The following CDH23 variants were observed in gnomAD, a reference collection of about 807,000 sequenced individuals.
The protein encoded by CDH23 is cadherin related 23.
A neutral mutation model predicts 317.1 loss-of-function variants in CDH23; 189 were observed. That is an observed-to-expected ratio of 0.60 (90% CI 0.53 to 0.67). The LOEUF (loss-of-function observed/expected upper bound fraction) is 0.67. Ranked by LOEUF, CDH23 falls within the 30% of genes least tolerant of loss-of-function variation. The pLI, the probability that CDH23 is intolerant of heterozygous loss-of-function variation, is 0.00. For missense variants in CDH23, 4,401 were observed against 4,592.4 expected, an observed-to-expected ratio of 0.96 and a Z score of 1.20; for synonymous variants, 1,839 against 1,876.8, an observed-to-expected ratio of 0.98 and a Z score of 0.52.
In CDH23 at chr10:71,577,946, C is replaced by T. The variant is rs2132400548; in HGVS notation, c.786C>T (p.Asp262=). Reference sequence around the variant, plus strand: ...CGGTGCGCATCATCACCGCCATAGACCAGGATAAAGGACGTCCCCGGGGCA... The same window carrying T: ...CGGTGCGCATCATCACCGCCATAGATCAGGATAAAGGACGTCCCCGGGGCA... ...GTTVRIITAI[D]QDKGRPRGIG... is the part of the protein sequence containing the mutation. Residue 262 remains aspartate, a synonymous_variant, in exon 9 of 70, where the codon GAC becomes GAT. Transcript: ENST00000224721. 2 of 1,605,876 alleles carry T rather than the reference C, an allele frequency of 1.2e-6. No homozygotes were observed. Among genetic ancestry groups the T allele is most frequent in the South Asian group, 2.2e-5 (2 of 89,010 alleles).
intron 11 of CDH23, among the ~76,000 whole-genome samples, chr10:71,629,458 G>A (rs998277268): frequency 1.3e-5 from 2 of 152,208 alleles, no homozygotes; most frequent in Non-Finnish European, 2.9e-5. Flanking sequence ...GCTGGGAGGG[G>A]AGGTCAGAGA....
intron 51 of CDH23, 57 bp from the exon 52 acceptor site, chr10:71,799,435 G>A: frequency 1.2e-6 from 2 of 1,612,552 alleles, no homozygotes; most frequent in East Asian, 2.2e-5. Context: ...CTAGGGCTGT[G>A]CTCGGGCTCT....
At chr10:71,586,113 T>C (rs4747169) in intron 9 of CDH23, among the ~76,000 whole-genome samples, 130,441 of 152,048 alleles carry the variant, frequency 0.86, 56,054 homozygotes, top group African/African-American at 0.9. Flanking sequence ...CTGCACGGGC[T>C]CTTTTTATTG....
intron 9 of CDH23, among the ~76,000 whole-genome samples, chr10:71,581,718 C>G (rs1244060419): frequency 6.6e-6 from 1 of 152,242 alleles, no homozygotes; most frequent in East Asian, 1.9e-4. Context: ...CTCCCTCAGC[C>G]TGTGCCTGCC....
chr10:71,777,948 G>C (rs1354004374), intron 39 of CDH23, 47 bp downstream of exon 39: 1 of 1,599,026 alleles, frequency 6.3e-7, no homozygotes, highest in African/African-American at 1.3e-5. Flanking sequence ...AACCTATCCA[G>C]GGATTGGCAA....
chr10:71,672,661 G>A (rs368544992), intron 14 of CDH23, among the ~76,000 whole-genome samples: 44 of 152,334 alleles, frequency 2.9e-4, no homozygotes, highest in African/African-American at 1.0e-3. Context: ...AACGTGGGCA[G>A]GGGAGGCCAA....
intron 19 of CDH23, 79 bp downstream of exon 19, chr10:71,687,798 C>G: frequency 2.3e-6 from 3 of 1,293,132 alleles, no homozygotes; most frequent in Non-Finnish European, 3.3e-6. Flanking sequence ...GTGCAGACCC[C>G]GGCTCTGCAC....
intron 61 of CDH23, 30 bp downstream of exon 61, chr10:71,810,106 C>T (rs1380094403): frequency 6.2e-7 from 1 of 1,606,512 alleles, no homozygotes; most frequent in Non-Finnish European, 8.5e-7. Context: ...GGGGCCGGGG[C>T]AGTGGAGGGA....
intron 3 of CDH23, among the ~76,000 whole-genome samples, chr10:71,454,967 G>C (rs1850620341): frequency 6.6e-6 from 1 of 151,246 alleles, no homozygotes. Flanking sequence ...AGCCTCTCAA[G>C]TAGCTGATTA....
intron 1 of CDH23, among the ~76,000 whole-genome samples, chr10:71,426,926 G>A (rs1330186595): frequency 6.6e-6 from 1 of 151,958 alleles, no homozygotes; most frequent in African/African-American, 2.4e-5. Flanking sequence ...TGGAAGAATT[G>A]CTTGAGTCCA....
At chr10:71,682,119 C>G (rs1864678066) in intron 17 of CDH23, among the ~76,000 whole-genome samples, 2 of 152,200 alleles carry the variant, frequency 1.3e-5, no homozygotes, top group African/African-American at 4.8e-5. Flanking sequence ...TGGATTCAGC[C>G]AAACCTAGGC....
At chr10:71,606,903 C>G (rs553399687) in intron 9 of CDH23, among the ~76,000 whole-genome samples, 1 of 152,236 alleles carries the variant, frequency 6.6e-6, no homozygotes, top group South Asian at 2.1e-4. Flanking sequence ...GACCCAGGAT[C>G]CTTATGCGGC....
intron 3 of CDH23, among the ~76,000 whole-genome samples, chr10:71,454,066 C>T (rs556364799): frequency 6.6e-6 from 1 of 152,266 alleles, no homozygotes; most frequent in Admixed American, 6.5e-5. Flanking sequence ...TTCACCCTCC[C>T]CTGAAGTGTT....
chr10:71,445,938 A>G (rs1330663406), intron 2 of CDH23, among the ~76,000 whole-genome samples: 1 of 152,200 alleles, frequency 6.6e-6, no homozygotes, highest in Non-Finnish European at 1.5e-5. Flanking sequence ...AATATATCCA[A>G]AATAGAATCA....
At chr10:71,707,279 T>C in intron 26 of CDH23, 1 of 1,437,518 alleles carries the variant, frequency 7.0e-7, no homozygotes, top group Non-Finnish European at 9.1e-7. Context: ...CTCCTGAACC[T>C]GTTGGTTGCA....
chr10:71,787,579 C>T (rs1841139942), intron 44 of CDH23, among the ~76,000 whole-genome samples: 1 of 152,158 alleles, frequency 6.6e-6, no homozygotes. Context: ...ACTCTTATTC[C>T]ATTCTGTATA....
At chr10:71,735,419 A>G (rs1342858112) in intron 34 of CDH23, among the ~76,000 whole-genome samples, 1 of 152,032 alleles carries the variant, frequency 6.6e-6, no homozygotes, top group Non-Finnish European at 1.5e-5. Context: ...CAGGCAGGGG[A>G]GCTCATGCTG....
intron 6 of CDH23, among the ~76,000 whole-genome samples, chr10:71,532,092 G>A (rs1341412458): frequency 1.3e-5 from 2 of 152,172 alleles, no homozygotes; most frequent in Admixed American, 1.3e-4. Context: ...CCAGGAAGGA[G>A]GGGCTGAGAC....
rs1458141269 is a variant in CDH23, at chr10:71,773,413, G to C, written c.4846-4267G>C. The C allele has an allele frequency of 2.5e-6, 4 of 1,606,602 alleles. No individual in the cohort carries two copies. In the South Asian group the frequency reaches 3.3e-5, roughly 13 times the overall value. ...GCAGGGATCCCCAGCGCCAGCTGCC[G>C]GCCTCCAGGGCCGTGGGGACGCCCA... On this transcript the variant is annotated intron_variant, in intron 38 of 69. Transcript: ENST00000224721.
Sources: gnomAD v4.1 joint callset for allele counts (sites outside exome capture counted in the v4.1 genomes callset) on GRCh38, gnomAD v4.1.1 for gene constraint, MANE v1.5 for transcripts, NCBI Gene and HGNC (gene_info 2026-07-23, HGNC 2026-07-21) for gene names.